Variants in ANKRD27 observed in about 807,000 individuals in gnomAD.
The protein encoded by ANKRD27 is ankyrin repeat domain 27, also known as ankyrin repeat domain-containing protein 27.
Under a neutral mutation model 129.7 loss-of-function variants are expected in ANKRD27, and 112 were observed. The observed-to-expected ratio is 0.86, with a 90% CI of 0.74 to 1.01. ANKRD27 has a LOEUF of 1.01. ANKRD27 is among the 50% of genes least tolerant of loss of function. ANKRD27 has a pLI of 0.00. For missense variants in ANKRD27, 1,258 were observed against 1,300.5 expected (o/e 0.97, Z 0.50); for synonymous variants, 516 against 511.2 (o/e 1.01, Z -0.13).
chr19:32,623,557 T>G (rs1279496355), intron 17 of ANKRD27, among the ~76,000 whole-genome samples: 1 of 151,382 alleles, frequency 6.6e-6, no homozygotes, highest in African/African-American at 2.4e-5. Context: ...TGTTGTTTTT[T>G]TTTTTTTTTT....
At chr19:32,661,141 C>T (rs1483406063) in intron 1 of ANKRD27, among the ~76,000 whole-genome samples, 1 of 150,998 alleles carries the variant, frequency 6.6e-6, no homozygotes, top group East Asian at 2.0e-4. Flanking sequence ...GTTAAGGCCG[C>T]TATGAGCCAT....
chr19:32,653,402 G>C (rs1009394530), intron 2 of ANKRD27, among the ~76,000 whole-genome samples: 1 of 152,068 alleles, frequency 6.6e-6, no homozygotes, highest in Non-Finnish European at 1.5e-5. Flanking sequence ...GTAGGCAAAG[G>C]GGCCAGTCTC....
intron 1 of ANKRD27, among the ~76,000 whole-genome samples, chr19:32,674,611 C>T (rs1967943874): frequency 6.6e-6 from 1 of 152,154 alleles, no homozygotes; most frequent in African/African-American, 2.4e-5. Context: ...AGGGATTCCC[C>T]GCTCCGCGCC....
chr19:32,643,806 T>C (rs1428027771), intron 5 of ANKRD27, 175 bp from the exon 6 acceptor site: 10 of 633,194 alleles, frequency 1.6e-5, no homozygotes, highest in African/African-American at 3.7e-5. Context: ...CAGGAGAAAC[T>C]TCCCCTTGGG....
At chr19:32,660,525 A>G (rs962619133) in intron 1 of ANKRD27, among the ~76,000 whole-genome samples, 3 of 152,168 alleles carry the variant, frequency 2.0e-5, no homozygotes, top group Admixed American at 6.5e-5. Context: ...TTCAAAAAAA[A>G]GAAAAAGAAA....
chr19:32,633,639 TTCTC>T (rs1967040015), intron 12 of ANKRD27, among the ~76,000 whole-genome samples: 2 of 151,770 alleles, frequency 1.3e-5, no homozygotes, highest in African/African-American at 4.8e-5. Flanking sequence ...TCTTTCAAAG[TTCTC>T]TCTTTTTTTC....
At chr19:32,649,533 G>A (rs1252603788) in intron 3 of ANKRD27, 149 bp downstream of exon 3, 6 of 630,864 alleles carry the variant, frequency 9.5e-6, no homozygotes, top group East Asian at 5.3e-5. Flanking sequence ...ACAAAGGCAG[G>A]GTCCCTCCAG....
At chr19:32,655,971 T>G (rs534024401) in intron 2 of ANKRD27, among the ~76,000 whole-genome samples, 2 of 147,194 alleles carry the variant, frequency 1.4e-5, no homozygotes, top group Non-Finnish European at 3.0e-5. Flanking sequence ...CAAGCCCAGA[T>G]AGAGCCACTA....
intron 1 of ANKRD27, among the ~76,000 whole-genome samples, chr19:32,674,382 C>G (rs1967936897): frequency 6.6e-6 from 1 of 152,190 alleles, no homozygotes; most frequent in Admixed American, 6.5e-5. Context: ...CCCTTGCTCC[C>G]TCGCCCAGCA....
intron 26 of ANKRD27, among the ~76,000 whole-genome samples, chr19:32,601,588 G>A (rs964073203): frequency 6.9e-6 from 1 of 145,568 alleles, no homozygotes; most frequent in Non-Finnish European, 1.5e-5. Flanking sequence ...CTCCAGCCTG[G>A]GTGACAGAGC....
At chr19:32,658,258 A>T (rs1042782117) in intron 2 of ANKRD27, among the ~76,000 whole-genome samples, 3 of 152,186 alleles carry the variant, frequency 2.0e-5, no homozygotes, top group African/African-American at 7.2e-5. Flanking sequence ...GTGCCGTCTA[A>T]GTAGGATGCC....
At chr19:32,634,757 A>G (rs1007688802) in intron 12 of ANKRD27, among the ~76,000 whole-genome samples, 4 of 152,104 alleles carry the variant, frequency 2.6e-5, no homozygotes, top group African/African-American at 9.7e-5. Context: ...CTCCACAAAA[A>G]TACAAAAATT....
intron 2 of ANKRD27, among the ~76,000 whole-genome samples, chr19:32,657,388 G>A (rs996999859): frequency 2.6e-5 from 4 of 151,914 alleles, no homozygotes; most frequent in African/African-American, 4.8e-5. Flanking sequence ...CTTGAACCCC[G>A]GAGGTGGAGG....
chr19:32,653,466 G>A (rs1034285046), intron 2 of ANKRD27, among the ~76,000 whole-genome samples: 16 of 152,152 alleles, frequency 1.1e-4, no homozygotes, highest in Non-Finnish European at 1.8e-4. Context: ...AAGCCCCAGG[G>A]ACGCAGACCT....
At position 32,598,240 on chromosome 19, in the gene ANKRD27, G is replaced by A. The variant is rs767392918; in HGVS notation, c.3058C>T (p.Arg1020Trp). 7 of 1,614,080 alleles carry A rather than the reference G, an allele frequency of 4.3e-6. No homozygotes were observed. Among genetic ancestry groups the A allele is most frequent in the South Asian group, 2.2e-5 (2 of 91,078 alleles). ...QTGPGHRRML[R>W]RHTVEDAVVS... The stretch of plus-strand genomic sequence containing the variant: ...ACCGCATCCTCTACCGTGTGTCTCC[G>A]CAGCATCCGTCTGTGTCCAGGGCCA... The change falls in exon 29 of 29, where the codon CGG becomes TGG. Residue 1020 changes from arginine to tryptophan, a missense_variant. Transcript: ENST00000306065.
At position 32,657,336 on chromosome 19, in the gene ANKRD27, C is replaced by T. The variant is rs147193865; in HGVS notation, c.102+1578G>A. Among the ~76,000 whole-genome samples, 841 of 152,104 alleles carry T rather than the reference C, an allele frequency of 5.5e-3. 7 individuals are homozygous for T. The highest frequency in any genetic ancestry group is 0.017 in the Middle Eastern group (5 of 294). ...AATTAGTTGGGTGTGGTGGCACACA[C>T]CTGTAGTCCCAGCTACTCAGGAGAC... On this transcript the variant is annotated intron_variant, in intron 2 of 28. Transcript: ENST00000306065.
chr19:32,626,640 C>T (rs552996281), intron 16 of ANKRD27, 72 bp downstream of exon 16: 7 of 1,192,064 alleles, frequency 5.9e-6, no homozygotes, highest in East Asian at 5.2e-5. Context: ...CCAGCATGAC[C>T]GTACAGTCAC....
chr19:32,620,877 C>T (rs1428833019), intron 18 of ANKRD27, among the ~76,000 whole-genome samples: 2 of 98,058 alleles, frequency 2.0e-5, no homozygotes, highest in Admixed American at 3.0e-4. Flanking sequence ...TACAGCCAAA[C>T]CTTGTCTCAA....
At position 32,604,422 on chromosome 19, in the gene ANKRD27, G is replaced by A. The variant is rs750909575; in HGVS notation, c.2496C>T (p.His832=). 51 of 1,597,182 alleles carry A rather than the reference G, an allele frequency of 3.2e-5. No homozygotes were observed. Among genetic ancestry groups the A allele is most frequent in the Non-Finnish European group, 3.6e-5 (42 of 1,167,104 alleles). The change falls in exon 25 of 29, where the codon CAC becomes CAT. Residue 832 remains histidine, a splice_region_variant and synonymous_variant. Transcript: ENST00000306065. ...HHELVALLLQ[H]GASINASNNK... ...TGTTAGAAGCGTTAATGGAGGCCCC[G>A]TGCTGGAAAGAGAAACCACACGATC...
Sources: allele counts gnomAD v4.1 joint callset (sites outside exome capture counted in the v4.1 genomes callset), GRCh38; gene constraint gnomAD v4.1.1; transcripts MANE v1.5; gene names NCBI Gene and HGNC (gene_info 2026-07-23, HGNC 2026-07-21).